The following BTD variants were observed in gnomAD, a reference collection of about 807,000 sequenced individuals.
BTD encodes the protein biotinidase.
BTD carries 13 observed loss-of-function variants against 17.7 expected under a neutral mutation model. The ratio of observed to expected loss-of-function variants is 0.74; its 90% confidence interval spans 0.48 to 1.17. The LOEUF is 1.17. BTD is among the 50% of genes most tolerant of loss of function. BTD has a pLI of 0.00. For missense variants in BTD, 674 were observed against 650.4 expected, an observed-to-expected ratio of 1.04 and a Z score of -0.39; for synonymous variants, 240 against 245.2, an observed-to-expected ratio of 0.98 and a Z score of 0.20.
downstream of BTD, chr3:15,714,462 TA>T (rs2072744785): frequency 1.3e-6 from 1 of 747,264 alleles, no homozygotes; most frequent in Non-Finnish European, 2.1e-6. Flanking sequence ...AATCATGTAT[TA>T]AAAATACACA....
downstream of BTD, among the ~76,000 whole-genome samples, chr3:15,656,082 C>G (rs767543331): frequency 2.6e-5 from 4 of 152,170 alleles, no homozygotes; most frequent in Non-Finnish European, 5.9e-5. Flanking sequence ...GGATTACAGG[C>G]ATGAGCCACT....
At chr3:15,637,642 C>T (rs553843808) in intron 2 of BTD, among the ~76,000 whole-genome samples, 9 of 152,322 alleles carry the variant, frequency 5.9e-5, no homozygotes, top group African/African-American at 2.2e-4. Flanking sequence ...CCAGGCTGTG[C>T]CCTCAGACCT....
chr3:15,681,029 G>A (rs575479734), intron 3 of BTD, among the ~76,000 whole-genome samples: 8 of 152,204 alleles, frequency 5.3e-5, no homozygotes, highest in African/African-American at 1.9e-4. Flanking sequence ...ATATTGCTGT[G>A]GTAAAGGAGA....
intron 3 of BTD, among the ~76,000 whole-genome samples, chr3:15,666,725 A>G (rs1324892802): frequency 6.6e-6 from 1 of 152,120 alleles, no homozygotes; most frequent in Non-Finnish European, 1.5e-5. Flanking sequence ...AAGTGCCAAT[A>G]TATCTACTCT....
intron 3 of BTD, chr3:15,685,376 T>A: frequency 6.2e-7 from 1 of 1,614,028 alleles, no homozygotes; most frequent in Non-Finnish European, 8.5e-7. Flanking sequence ...CGGCCCCTGC[T>A]ATCCCGAAGT....
At chr3:15,695,947 T>C (rs1221149792) in intron 3 of BTD, among the ~76,000 whole-genome samples, 3 of 152,212 alleles carry the variant, frequency 2.0e-5, no homozygotes, top group African/African-American at 7.2e-5. Context: ...AATTTTCTCC[T>C]TTTTTAAAAG....
rs1405338341 is a variant in BTD at position 15,653,399 on chromosome 3, C to T, written c.*7911C>T. Among the ~76,000 whole-genome samples the T allele has an allele frequency of 6.6e-6, 1 of 152,248 alleles. No homozygotes were observed. Among genetic ancestry groups the T allele is most frequent in the Non-Finnish European group, 1.5e-5 (1 of 68,044 alleles). ...TAAGGCCTGGAAGGCAAGTCCTTGCCTGAGACTAAACAGAATCCCAGCAAC... is the reference window on the plus strand; with the variant it reads ...TAAGGCCTGGAAGGCAAGTCCTTGCTTGAGACTAAACAGAATCCCAGCAAC... On this transcript the variant is annotated 3_prime_UTR_variant, in exon 4 of 4. Transcript: ENST00000643237.
chr3:15,697,713 A>C lies in BTD; in HGVS notation c.400-12347A>C, dbSNP rs150647748. ...TCAGGGATATTGGCCTAAAATTCTC[A>C]AGGCTTTGGTATCAGGATGATGCTG... On this transcript the variant is annotated intron_variant, in intron 3 of 3. Transcript: ENST00000672141. Among the ~76,000 whole-genome samples the C allele has an allele frequency of 1.1e-4, 16 of 151,920 alleles. No homozygotes were observed. The East Asian group carries it at 2.9e-3, about 28-fold the overall frequency.
intron 1 of BTD, among the ~76,000 whole-genome samples, chr3:15,610,397 G>T (rs1574975779): frequency 6.6e-6 from 1 of 152,320 alleles, no homozygotes; most frequent in East Asian, 1.9e-4. Flanking sequence ...AAGTTATGTG[G>T]CTGGGCTCAG....
At chr3:15,633,996 T>C (rs2065280106) in intron 1 of BTD, among the ~76,000 whole-genome samples, 1 of 152,210 alleles carries the variant, frequency 6.6e-6, no homozygotes, top group Admixed American at 6.5e-5. Flanking sequence ...TGGCAACAAA[T>C]CCTGGGGTTT....
rs1359453846 is a variant in BTD at position 15,644,324 on chromosome 3, G to A, written c.408G>A (p.Gln136=). 6.2e-7 allele frequency: 1 copy of A among 1,613,776 alleles called. No individual in the cohort carries two copies. Among genetic ancestry groups the A allele is most frequent in the Admixed American group, 1.7e-5 (1 of 59,954 alleles). ...ACCTTTTTTTCCTCTAGGTGCTCCA[G>A]CGCCTGAGTTGTATGGCCATCAGGG... ...PHRFNDTEVL[Q]RLSCMAIRGD... is the part of the protein sequence containing the mutation. Residue 136 remains glutamine (Q), a synonymous_variant, in exon 4 of 4, where the codon CAG becomes CAA. Transcript: ENST00000643237.
At chr3:15,714,661 G>T (rs185743315), downstream of BTD, 351 of 1,577,068 alleles carry the variant, frequency 2.2e-4, 2 homozygotes, top group African/African-American at 2.0e-3. Context: ...TTTACTCTGG[G>T]GGGGGAAGAA....
rs759991786 is a variant in BTD at position 15,694,641 on chromosome 3, C to G, written c.400-15419C>G. 2.1e-4 allele frequency: 204 copies of G among 985,996 alleles called. 1 individual carries two copies. Among genetic ancestry groups the G allele is most frequent in the Non-Finnish European group, 2.9e-4 (191 of 655,852 alleles). The allele number at this position is 985,996 out of a possible 1,614,324, so 61.1% of individuals were successfully genotyped here. On this transcript the variant is annotated intron_variant, in intron 3 of 3. Coordinates refer to the BTD transcript ENST00000672141. ...ATTCCATGATAACTATTACATGGAC[C>G]AAAAGTTTATGGTACTAGTTTGAGT...
At chr3:15,656,799 A>G (rs1033360946), downstream of BTD, among the ~76,000 whole-genome samples, 5 of 152,256 alleles carry the variant, frequency 3.3e-5, no homozygotes, top group African/African-American at 1.2e-4. Context: ...TGCTAAGTGC[A>G]TAAGTGTCAC....
intron 4 of BTD, among the ~76,000 whole-genome samples, chr3:15,719,569 A>G (rs1232222417): frequency 6.6e-6 from 1 of 152,216 alleles, no homozygotes; most frequent in Non-Finnish European, 1.5e-5. Context: ...TTATTTGGGT[A>G]CAGAATATTC....
At chr3:15,656,604 C>T (rs376030080), downstream of BTD, among the ~76,000 whole-genome samples, 15 of 152,252 alleles carry the variant, frequency 9.9e-5, no homozygotes, top group East Asian at 3.9e-4. Flanking sequence ...TTTTACTTTG[C>T]GGCACTGAGC....
At chr3:15,703,431 G>A (rs1479831670) in intron 3 of BTD, among the ~76,000 whole-genome samples, 2 of 152,184 alleles carry the variant, frequency 1.3e-5, no homozygotes, top group Non-Finnish European at 2.9e-5. Flanking sequence ...GAGGTGATTA[G>A]GTCAAGAGGG....
chr3:15,629,650 G>A (rs551039814), intron 1 of BTD, among the ~76,000 whole-genome samples: 196 of 152,184 alleles, frequency 1.3e-3, no homozygotes, highest in African/African-American at 4.3e-3. Flanking sequence ...CAGCCTCCCG[G>A]AGTAGCTGGG....
chr3:15,710,219 T>A (rs2072054933), exon 4 of BTD, among the ~76,000 whole-genome samples: 1 of 152,172 alleles, frequency 6.6e-6, no homozygotes, highest in African/African-American at 2.4e-5. Context: ...TTCCCTTATC[T>A]TCTCCTATAC....
Sources: allele counts gnomAD v4.1 joint callset (sites outside exome capture counted in the v4.1 genomes callset), GRCh38; gene constraint gnomAD v4.1.1; transcripts MANE v1.5; gene names NCBI Gene and HGNC (gene_info 2026-07-23, HGNC 2026-07-21).